Variants in CD55 observed in about 807,000 individuals in gnomAD.
CD55 encodes CD55 molecule (Cromer blood group), also known as complement decay-accelerating factor.
CD55 carries 41 observed loss-of-function variants against 45.8 expected under a neutral mutation model. The ratio of observed to expected loss-of-function variants is 0.90; its 90% CI spans 0.70 to 1.16. The LOEUF (loss-of-function observed/expected upper bound fraction) is 1.16, where lower values mean the gene tolerates loss of function less well. CD55 is among the 50% of genes most tolerant of loss of function. CD55 has a pLI of 0.00. For missense variants in CD55, 416 were observed against 469.8 expected, an observed-to-expected ratio of 0.89 and a Z score of 1.06; for synonymous variants, 181 against 181.1, an observed-to-expected ratio of 1.00 and a Z score of 0.01.
chr1:207,358,773 A>G (rs1308514612), intron 9 of CD55, among the ~76,000 whole-genome samples: 2 of 152,186 alleles, frequency 1.3e-5, no homozygotes, highest in African/African-American at 4.8e-5. Context: ...TGACTAATAC[A>G]TTGAATCTCT....
intron 5 of CD55, among the ~76,000 whole-genome samples, chr1:207,327,901 A>G (rs1406590541): frequency 6.6e-6 from 1 of 152,094 alleles, no homozygotes; most frequent in Non-Finnish European, 1.5e-5. Flanking sequence ...TAAATTTTTC[A>G]TCATTGCTAC....
chr1:207,344,565 T>A (rs1160589914), intron 9 of CD55, among the ~76,000 whole-genome samples: 1 of 152,198 alleles, frequency 6.6e-6, no homozygotes, highest in African/African-American at 2.4e-5. Context: ...CGTTCTCTCC[T>A]GGCCTGTAAG....
At chr1:207,322,656 T>C (rs979619069) in intron 2 of CD55, 89 bp downstream of exon 2, 3 of 1,126,574 alleles carry the variant, frequency 2.7e-6, no homozygotes, top group Middle Eastern at 2.0e-4. Flanking sequence ...TAGTAATTGA[T>C]AGTTCTCTAG....
At position 207,339,418 on chromosome 1, in the gene CD55, G is replaced by GT; in HGVS notation, c.1081+2dup. ...GTAGGTACTACCCGTCTTCTATCTG[G>GT]TAAGTTTGGCTCTCAGGCCATTAAA... On this transcript the variant is annotated splice_donor_variant, in intron 9 of 9. Transcript: ENST00000367064. LOFTEE classifies it high-confidence loss of function. 6.2e-7 allele frequency: 1 copy of GT among 1,605,186 alleles called. No homozygotes were observed. The highest frequency in any genetic ancestry group is 8.5e-7 in the Non-Finnish European group (1 of 1,175,980).
chr1:207,354,281 A>G (rs1655998959), intron 9 of CD55: 2 of 976,204 alleles, frequency 2.0e-6, no homozygotes, highest in Non-Finnish European at 2.4e-6. Context: ...CTATGGCAAT[A>G]AACTGACTTA....
intron 9 of CD55, among the ~76,000 whole-genome samples, chr1:207,352,582 TGATTAACTTA>T (rs1655910315): frequency 1.3e-5 from 2 of 152,250 alleles, no homozygotes; most frequent in African/African-American, 4.8e-5. Flanking sequence ...AGTGATTAAG[TGATTAACTTA>T]ATCTCTCTGA....
intron 2 of CD55, 83 bp from the exon 3 acceptor site, chr1:207,324,476 T>C (rs1352974152): frequency 8.3e-6 from 7 of 847,172 alleles, no homozygotes; most frequent in Non-Finnish European, 1.3e-5. Context: ...AAGGGGGTTA[T>C]TAGGGTCCAG....
intron 9 of CD55, chr1:207,353,918 T>G: frequency 8.1e-7 from 1 of 1,236,262 alleles, no homozygotes; most frequent in Non-Finnish European, 1.1e-6. Context: ...CCCTTTATTC[T>G]GTTACATTAA....
intron 9 of CD55, among the ~76,000 whole-genome samples, chr1:207,345,132 T>G (rs920323887): frequency 1.3e-5 from 2 of 152,222 alleles, no homozygotes; most frequent in African/African-American, 4.8e-5. Context: ...TAATAGATTT[T>G]CTAATCCTTT....
chr1:207,331,338 C>T (rs1410366737), intron 6 of CD55, 42 bp downstream of exon 6: 9 of 1,516,132 alleles, frequency 5.9e-6, no homozygotes, highest in Non-Finnish European at 8.2e-6. Flanking sequence ...TATTCTTACC[C>T]TCAGGTCTAT....
intron 9 of CD55, among the ~76,000 whole-genome samples, chr1:207,344,046 A>G (rs895234788): frequency 2.2e-4 from 33 of 152,192 alleles, no homozygotes; most frequent in Non-Finnish European, 1.2e-4. Flanking sequence ...TTCAGTCACA[A>G]TGTGTTTTCA....
intron 4 of CD55, among the ~76,000 whole-genome samples, chr1:207,326,000 AGAT>A (rs1371772731): frequency 2.8e-5 from 3 of 107,058 alleles, no homozygotes; most frequent in African/African-American, 4.6e-5. Context: ...AAAAAATTTG[AGAT>A]GATGATACTT....
chr1:207,323,392 G>C (rs1654521530), intron 2 of CD55, among the ~76,000 whole-genome samples: 1 of 151,836 alleles, frequency 6.6e-6, no homozygotes, highest in South Asian at 2.1e-4. Flanking sequence ...GAGTTGTTTG[G>C]GGGCTAACAC....
chr1:207,333,524 A>G (rs1216578764), intron 6 of CD55, among the ~76,000 whole-genome samples: 1 of 152,238 alleles, frequency 6.6e-6, no homozygotes, highest in Non-Finnish European at 1.5e-5. Context: ...AATGTTTGGC[A>G]TACAACAAAA....
intron 9 of CD55, among the ~76,000 whole-genome samples, chr1:207,356,933 C>T (rs1490841726): frequency 1.3e-5 from 2 of 152,144 alleles, no homozygotes; most frequent in Non-Finnish European, 2.9e-5. Flanking sequence ...TTTATACAAA[C>T]TTGAGTTATT....
intron 9 of CD55, among the ~76,000 whole-genome samples, chr1:207,346,935 T>C (rs1466845161): frequency 2.6e-5 from 4 of 152,166 alleles, no homozygotes; most frequent in African/African-American, 9.7e-5. Flanking sequence ...AGAGGGAATG[T>C]GGACTGCTGG....
intron 9 of CD55, among the ~76,000 whole-genome samples, chr1:207,358,232 TTA>T (rs1385985160): frequency 6.6e-6 from 1 of 152,160 alleles, no homozygotes; most frequent in Non-Finnish European, 1.5e-5. Flanking sequence ...AGAGCTAGCT[TTA>T]TATATGTTTG....
chr1:207,325,100 A>G (rs1654613297), intron 3 of CD55, among the ~76,000 whole-genome samples: 1 of 152,062 alleles, frequency 6.6e-6, no homozygotes. Flanking sequence ...TTTGGGAGAC[A>G]GAGGCAGGTG....
At chr1:207,357,214 T>C (rs1240063734) in intron 9 of CD55, among the ~76,000 whole-genome samples, 1 of 152,166 alleles carries the variant, frequency 6.6e-6, no homozygotes, top group East Asian at 1.9e-4. Context: ...TTTACAGGCA[T>C]TTGTTTAATA....
Sources: gnomAD v4.1 joint callset for allele counts (sites outside exome capture counted in the v4.1 genomes callset) on GRCh38, gnomAD v4.1.1 for gene constraint, MANE v1.5 for transcripts, NCBI Gene and HGNC (gene_info 2026-07-23, HGNC 2026-07-21) for gene names.